CCDC60: variants seen among roughly 807,000 people sequenced by gnomAD.
The protein encoded by CCDC60 is coiled-coil domain containing 60, also known as coiled-coil domain-containing protein 60.
In CCDC60, 54 loss-of-function variants were observed where a neutral mutation model predicts 63.5. The ratio of observed to expected loss-of-function variants is 0.85; its 90% confidence interval spans 0.68 to 1.07. The LOEUF is 1.07. CCDC60 is among the 50% of genes least tolerant of loss of function. CCDC60 has a pLI of 0.00. For synonymous variants in CCDC60, 206 were observed against 238.8 expected (o/e 0.86, Z 1.27); for missense variants, 651 against 684.3 (o/e 0.95, Z 0.54).
At chr12:119,457,116 C>G (rs768700061) in intron 2 of CCDC60, among the ~76,000 whole-genome samples, 17 of 152,216 alleles carry the variant, frequency 1.1e-4, no homozygotes, top group Non-Finnish European at 2.4e-4. Context: ...CACACTTACC[C>G]TTAGCCAAAG....
At chr12:119,482,747 G>A (rs1481674709) in intron 4 of CCDC60, among the ~76,000 whole-genome samples, 2 of 152,102 alleles carry the variant, frequency 1.3e-5, no homozygotes, top group Non-Finnish European at 2.9e-5. Flanking sequence ...TCAGCAGGGT[G>A]GTTCTGCTGG....
At chr12:119,371,482 C>T (rs538010974) in intron 1 of CCDC60, among the ~76,000 whole-genome samples, 4 of 152,258 alleles carry the variant, frequency 2.6e-5, no homozygotes, top group African/African-American at 9.6e-5. Context: ...ATGAATGACT[C>T]GGTCTGCTTT....
intron 7 of CCDC60, among the ~76,000 whole-genome samples, chr12:119,513,295 G>A (rs1952261596): frequency 6.6e-6 from 1 of 152,150 alleles, no homozygotes; most frequent in South Asian, 2.1e-4. Context: ...GAGTGTCAGT[G>A]TGTGCGTTTC....
intron 1 of CCDC60, among the ~76,000 whole-genome samples, chr12:119,398,060 G>GCAGC (rs2136215969): frequency 1.2e-5 from 1 of 82,996 alleles, no homozygotes; most frequent in South Asian, 5.8e-4. Context: ...GGAGGAAGGG[G>GCAGC]GTGGGGGGAG....
chr12:119,398,985 A>G (rs1036477929), intron 1 of CCDC60, among the ~76,000 whole-genome samples: 1 of 152,212 alleles, frequency 6.6e-6, no homozygotes, highest in Non-Finnish European at 1.5e-5. Context: ...CAGATGAGGA[A>G]ATTGATGCAT....
At chr12:119,361,234 A>C (rs560261920) in intron 1 of CCDC60, among the ~76,000 whole-genome samples, 36 of 151,018 alleles carry the variant, frequency 2.4e-4, no homozygotes, top group Non-Finnish European at 4.0e-4. Flanking sequence ...CAAGTCTATC[A>C]CAGGTCTATT....
intron 2 of CCDC60, among the ~76,000 whole-genome samples, chr12:119,447,503 G>T (rs903704818): frequency 6.6e-6 from 1 of 152,118 alleles, no homozygotes; most frequent in African/African-American, 2.4e-5. Context: ...GGGGTAATTT[G>T]GAAATTGTTG....
In CCDC60 at chr12:119,507,566, AT is replaced by A. The variant is rs1952057231; in HGVS notation, c.883+2264del. ...CATATATATACATATATATATATAT[AT>A]ATGTATATATACACATATATATACA... is the stretch of plus-strand genomic sequence containing the variant. On this transcript the variant is annotated intron_variant, in intron 7 of 13. Transcript: ENST00000327554. 3.1e-5 allele frequency among the ~76,000 whole-genome samples: 2 copies of A among 63,556 alleles called. 1 individual carries two copies. The highest frequency in any genetic ancestry group is 1.9e-4 in the African/African-American group (2 of 10,490). The allele number at this position is 63,556 out of a possible 152,430, so 41.7% of individuals were successfully genotyped here.
intron 2 of CCDC60, among the ~76,000 whole-genome samples, chr12:119,444,697 C>T (rs1270237620): frequency 1.3e-5 from 2 of 152,062 alleles, no homozygotes; most frequent in Non-Finnish European, 2.9e-5. Context: ...ACCACGCTGG[C>T]CACTCTTCTC....
chr12:119,500,079 G>A lies in CCDC60; in HGVS notation c.559G>A (p.Asp187Asn). 6.2e-7 allele frequency: 1 copy of A among 1,609,174 alleles called. No homozygotes were observed. ...KPVITCWNPK[D>N]PGGSKSTIKK... is the part of the protein sequence containing the mutation. ...CTCATTAAGCTGTTTCTCACTCAGG[G>A]ACCCGGGTGGAAGCAAGAGCACCAT... Residue 187 changes from aspartate to asparagine, a missense_variant and splice_region_variant, in exon 6 of 14, where the codon GAC becomes AAC. Physicochemically the swap from Asp to Asn is conservative, Grantham distance 23 (BLOSUM62 1). Coordinates refer to ENST00000327554, the MANE Select transcript of CCDC60 (RefSeq NM_178499.5).
At chr12:119,504,369 C>T (rs1951936310) in intron 6 of CCDC60, among the ~76,000 whole-genome samples, 1 of 152,084 alleles carries the variant, frequency 6.6e-6, no homozygotes, top group Non-Finnish European at 1.5e-5. Context: ...CTCTTTCTTA[C>T]TCCTTTCCTT....
At chr12:119,392,638 C>T (rs1411514190) in intron 1 of CCDC60, among the ~76,000 whole-genome samples, 1 of 152,200 alleles carries the variant, frequency 6.6e-6, no homozygotes, top group Non-Finnish European at 1.5e-5. Flanking sequence ...AGGCCTAGCA[C>T]AAAGTGGTGC....
At chr12:119,523,876 G>T (rs1039131073) in intron 11 of CCDC60, 58 bp downstream of exon 11, 10 of 1,566,106 alleles carry the variant, frequency 6.4e-6, no homozygotes, top group Non-Finnish European at 7.9e-6. Flanking sequence ...CCTACTATAT[G>T]CCTGCCAGGT....
intron 1 of CCDC60, among the ~76,000 whole-genome samples, chr12:119,339,093 T>G (rs1051563431): frequency 4.6e-5 from 7 of 152,172 alleles, no homozygotes; most frequent in Admixed American, 6.5e-5. Flanking sequence ...AGCTTGCCCT[T>G]ATGTTGGGTT....
chr12:119,471,302 C>T (rs1045210169), intron 2 of CCDC60, among the ~76,000 whole-genome samples: 1 of 152,234 alleles, frequency 6.6e-6, no homozygotes, highest in Non-Finnish European at 1.5e-5. Context: ...ACTTGAACTT[C>T]TGTAGCAGTC....
At chr12:119,377,254 CAAAAAA>C (rs60100165) in intron 1 of CCDC60, among the ~76,000 whole-genome samples, 1,500 of 47,504 alleles carry the variant, frequency 0.032, 43 homozygotes, top group African/African-American at 0.11. Context: ...CACTCCATCT[CAAAAAA>C]AAAAAAAAAA....
intron 1 of CCDC60, among the ~76,000 whole-genome samples, chr12:119,398,091 G>A (rs1203504407): frequency 1.7e-5 from 2 of 115,278 alleles, no homozygotes; most frequent in Non-Finnish European, 3.7e-5. Context: ...CGCGGGGGGA[G>A]GAAGGGGGCG....
rs751179189 is a variant in CCDC60 at position 119,424,850 on chromosome 12, G to A, written c.91-3833G>A. 4.6e-5 allele frequency among the ~76,000 whole-genome samples: 7 copies of A among 152,054 alleles called. No homozygotes were observed. The East Asian group carries it at 7.7e-4, about 17-fold the overall frequency. ...AGAAATGGTTTCCTGAGAATCCATT[G>A]AAATGCTGACATAGTTGTGAGGCTT... On this transcript the variant is annotated intron_variant, in intron 1 of 13. Coordinates refer to ENST00000327554, the MANE Select transcript of CCDC60 (RefSeq NM_178499.5).
At position 119,447,012 on chromosome 12, in the gene CCDC60, C is replaced by T. The variant is rs76208865; in HGVS notation, c.170+18250C>T. Among the ~76,000 whole-genome samples, 1,438 of 152,102 alleles carry T rather than the reference C, an allele frequency of 9.5e-3. 26 individuals are homozygous for T. The highest frequency in any genetic ancestry group is 0.033 in the African/African-American group (1,348 of 41,470). On this transcript the variant is annotated intron_variant, in intron 2 of 13. Coordinates refer to ENST00000327554, the MANE Select transcript of CCDC60 (RefSeq NM_178499.5). ...GGTCATCTCAAATGTGAGAAGAAGA[C>T]GAGAGGCGATAGCTTAATCCTGGGG...
Sources: allele counts gnomAD v4.1 joint callset (sites outside exome capture counted in the v4.1 genomes callset), GRCh38; gene constraint gnomAD v4.1.1; transcripts MANE v1.5; gene names NCBI Gene and HGNC (gene_info 2026-07-23, HGNC 2026-07-21).